Variants in RALYL observed in about 807,000 individuals in gnomAD.
RALYL encodes the protein RALY RNA binding protein like.
A neutral mutation model predicts 35.1 loss-of-function variants in RALYL; 29 were observed. That is an observed-to-expected ratio of 0.83 (90% CI 0.61 to 1.13). The LOEUF is 1.13. Among genes scored for constraint, RALYL ranks in the 50% most tolerant of loss-of-function variants. RALYL has a pLI of 0.00. For missense variants in RALYL, 359 were observed against 360.4 expected, an observed-to-expected ratio of 1.00 and a Z score of 0.03; for synonymous variants, 120 against 127.6, an observed-to-expected ratio of 0.94 and a Z score of 0.40.
At chr8:84,854,541 A>T (rs1328781469) in intron 5 of RALYL, among the ~76,000 whole-genome samples, 1 of 152,134 alleles carries the variant, frequency 6.6e-6, no homozygotes, top group Non-Finnish European at 1.5e-5. Flanking sequence ...CCCCCAAAGC[A>T]TTCCGGCTGC....
At chr8:84,325,085 C>T (rs898197045) in intron 1 of RALYL, among the ~76,000 whole-genome samples, 1 of 152,084 alleles carries the variant, frequency 6.6e-6, no homozygotes, top group African/African-American at 2.4e-5. Context: ...GTTCCATTTC[C>T]CTTAAAGTTT....
intron 1 of RALYL, among the ~76,000 whole-genome samples, chr8:84,266,413 A>T (rs569162588): frequency 6.6e-6 from 1 of 152,246 alleles, no homozygotes; most frequent in Non-Finnish European, 1.5e-5. Flanking sequence ...GAATGAGACC[A>T]ATGAAATCAT....
At chr8:84,798,241 A>G (rs900700016) in intron 3 of RALYL, among the ~76,000 whole-genome samples, 1 of 152,092 alleles carries the variant, frequency 6.6e-6, no homozygotes, top group Non-Finnish European at 1.5e-5. Context: ...ATCTTCTCCA[A>G]TATATCCCAA....
chr8:84,366,308 T>A (rs1854257217), intron 1 of RALYL, among the ~76,000 whole-genome samples: 1 of 152,150 alleles, frequency 6.6e-6, no homozygotes, highest in African/African-American at 2.4e-5. Context: ...TAGATATCAG[T>A]TTTTAAATGT....
chr8:84,338,730 G>T (rs1044232413), intron 1 of RALYL, among the ~76,000 whole-genome samples: 5 of 151,944 alleles, frequency 3.3e-5, no homozygotes, highest in Admixed American at 3.3e-4. Flanking sequence ...AAAGAGTTCT[G>T]ATACTAACAC....
chr8:84,185,722 A>G (rs1812354550), intron 1 of RALYL, among the ~76,000 whole-genome samples: 1 of 152,236 alleles, frequency 6.6e-6, no homozygotes, highest in Non-Finnish European at 1.5e-5. Flanking sequence ...ATAAACATAA[A>G]GCAAATGAAA....
chr8:84,700,574 C>T (rs903612455), intron 2 of RALYL, among the ~76,000 whole-genome samples: 9 of 151,996 alleles, frequency 5.9e-5, no homozygotes, highest in African/African-American at 1.9e-4. Context: ...TAATTTGAAC[C>T]AATACCACAA....
At chr8:84,702,647 C>T (rs905454968) in intron 2 of RALYL, among the ~76,000 whole-genome samples, 2 of 151,864 alleles carry the variant, frequency 1.3e-5, no homozygotes, top group Non-Finnish European at 2.9e-5. Context: ...CTTCCTCTCT[C>T]TCCTTCCTTT....
chr8:84,703,345 C>T (rs1456279855), intron 2 of RALYL, among the ~76,000 whole-genome samples: 1 of 151,994 alleles, frequency 6.6e-6, no homozygotes. Context: ...CTATATGGAG[C>T]CTAAGAAACT....
chr8:84,553,652 A>G (rs1224551959), intron 2 of RALYL, among the ~76,000 whole-genome samples: 4 of 152,200 alleles, frequency 2.6e-5, no homozygotes, highest in Admixed American at 2.0e-4. Context: ...AGTATTTCTA[A>G]AAGAATATCT....
intron 1 of RALYL, among the ~76,000 whole-genome samples, chr8:84,466,622 T>C (rs2051699894): frequency 6.6e-6 from 1 of 150,522 alleles, no homozygotes; most frequent in Non-Finnish European, 1.5e-5. Context: ...GTTGTGTCTC[T>C]GCCTGGCTTT....
At chr8:84,233,742 G>A (rs1385499246) in intron 1 of RALYL, among the ~76,000 whole-genome samples, 1 of 152,040 alleles carries the variant, frequency 6.6e-6, no homozygotes, top group East Asian at 1.9e-4. Context: ...ATCATATTCT[G>A]GGGTCTCATG....
At chr8:84,337,476 T>C (rs1046981486) in intron 1 of RALYL, among the ~76,000 whole-genome samples, 2 of 152,080 alleles carry the variant, frequency 1.3e-5, no homozygotes, top group Admixed American at 6.6e-5. Flanking sequence ...TACAATTATA[T>C]TGTGGTGGAT....
chr8:84,528,044 T>G (rs1421545120), intron 1 of RALYL, among the ~76,000 whole-genome samples: 1 of 152,154 alleles, frequency 6.6e-6, no homozygotes, highest in Non-Finnish European at 1.5e-5. Flanking sequence ...CATATCCAAT[T>G]TACATGCCTT....
chr8:84,768,174 A>G (rs1048465384), intron 2 of RALYL, among the ~76,000 whole-genome samples: 1 of 152,112 alleles, frequency 6.6e-6, no homozygotes, highest in Admixed American at 6.6e-5. Context: ...AGGGAACAAA[A>G]CCTCAGGAGA....
intron 2 of RALYL, among the ~76,000 whole-genome samples, chr8:84,731,337 G>A (rs1846140111): frequency 6.6e-6 from 1 of 152,072 alleles, no homozygotes; most frequent in South Asian, 2.1e-4. Context: ...CTCTTTTGAG[G>A]ATAAGGATCA....
chr8:84,782,547 T>C (rs1201821760), intron 3 of RALYL, among the ~76,000 whole-genome samples: 1 of 152,230 alleles, frequency 6.6e-6, no homozygotes, highest in African/African-American at 2.4e-5. Flanking sequence ...CCTTGGAAAC[T>C]GTAGCCTGTC....
At chr8:84,428,758 G>A (rs1210764167) in intron 1 of RALYL, among the ~76,000 whole-genome samples, 2 of 152,116 alleles carry the variant, frequency 1.3e-5, no homozygotes, top group East Asian at 3.9e-4. Flanking sequence ...TATATAGGGT[G>A]AAGTTACTTT....
At chr8:84,255,867 C>A (rs1340835362) in intron 1 of RALYL, among the ~76,000 whole-genome samples, 1 of 152,034 alleles carries the variant, frequency 6.6e-6, no homozygotes, top group East Asian at 1.9e-4. Context: ...CATATAATTT[C>A]ACTGTAGACT....
Sources: gnomAD v4.1 joint callset for allele counts (sites outside exome capture counted in the v4.1 genomes callset) on GRCh38, gnomAD v4.1.1 for gene constraint, MANE v1.5 for transcripts, NCBI Gene and HGNC (gene_info 2026-07-23, HGNC 2026-07-21) for gene names.